RB1CC1: variants seen among roughly 807,000 people sequenced by gnomAD.
RB1CC1 encodes RB1-inducible coiled-coil protein 1.
RB1CC1 carries 46 observed loss-of-function variants against 177.5 expected under a neutral mutation model. That is an observed-to-expected ratio of 0.26 (90% CI 0.20 to 0.33). The LOEUF (loss-of-function observed/expected upper bound fraction) is 0.33, where lower values mean the gene tolerates loss of function less well. Ranked by LOEUF, RB1CC1 falls within the 10% of genes least tolerant of loss-of-function variation. The pLI, the probability that RB1CC1 is intolerant of heterozygous loss-of-function variation, is 1.00. For synonymous variants in RB1CC1, 666 were observed against 613.6 expected (o/e 1.09, Z -1.26); for missense variants, 1,703 against 1,816.3 (o/e 0.94, Z 1.13).
intron 16 of RB1CC1, among the ~76,000 whole-genome samples, 158 bp downstream of exon 16, chr8:52,645,544 A>G (rs1849940632): frequency 6.6e-6 from 1 of 152,210 alleles, no homozygotes; most frequent in Non-Finnish European, 1.5e-5. Context: ...ATTCTTAAAA[A>G]TACACGCTTT....
chr8:52,623,506 T>C lies in RB1CC1; in HGVS notation c.*276A>G, dbSNP rs1848183208. On this transcript the variant is annotated 3_prime_UTR_variant, in exon 24 of 24. Coordinates refer to ENST00000025008, the MANE Select transcript of RB1CC1 (RefSeq NM_014781.5). The stretch of plus-strand genomic sequence containing the variant: ...AGCCACAATGCACAAGGTATGCCCT[T>C]TGAGAAAATGAAGTAGTTTGGTCCG... 2.4e-6 allele frequency: 1 copy of C among 419,692 alleles called. No homozygotes were observed. The highest frequency in any genetic ancestry group is 2.0e-5 in the African/African-American group (1 of 48,892). The allele number at this position is 419,692 out of a possible 1,614,324, so 26.0% of individuals were successfully genotyped here.
rs546892807 is a variant in RB1CC1, at chr8:52,706,610, T to C, written c.-167+7465A>G. 3.4e-3 allele frequency among the ~76,000 whole-genome samples: 511 copies of C among 151,652 alleles called. 2 individuals are homozygous for C. The highest frequency in any genetic ancestry group is 6.8e-3 in the Middle Eastern group (2 of 294). ...AGCCGGGCGTGGTGGCAGGCACCTG[T>C]AGTCCCAGCTACTCGGGAGGCTGAG... On this transcript the variant is annotated intron_variant, in intron 1 of 23. Transcript: ENST00000025008.
In RB1CC1 at chr8:52,657,210, T is replaced by C. The variant is rs1341295432; in HGVS notation, c.2619A>G (p.Glu873=). 2 of 1,598,112 alleles carry C rather than the reference T, an allele frequency of 1.3e-6. No individual in the cohort carries two copies. The highest frequency in any genetic ancestry group is 4.5e-5 in the East Asian group (2 of 44,738). Residue 873 remains glutamate (E), a synonymous_variant, in exon 15 of 24, where the codon GAA becomes GAG. Coordinates refer to ENST00000025008, the MANE Select transcript of RB1CC1 (RefSeq NM_014781.5). ...HQKELLSLKN[E]YEGKLDGLIK... ...TTAGTCCGTCAAGTTTACCTTCATA[T>C]TCATTTTTTAAAGACAGTAGTTCTT...
chr8:52,677,284 T>G (rs962921561), intron 5 of RB1CC1, among the ~76,000 whole-genome samples: 3 of 152,128 alleles, frequency 2.0e-5, no homozygotes, highest in Non-Finnish European at 4.4e-5. Flanking sequence ...ACTGAAGGCA[T>G]TTAACTTAAG....
At chr8:52,681,275 C>T (rs948387807) in intron 5 of RB1CC1, among the ~76,000 whole-genome samples, 1 of 152,082 alleles carries the variant, frequency 6.6e-6, no homozygotes, top group Non-Finnish European at 1.5e-5. Flanking sequence ...GGATTACAGG[C>T]ATAAGCTACC....
At chr8:52,692,493 C>T (rs1854969305) in intron 1 of RB1CC1, among the ~76,000 whole-genome samples, 1 of 152,118 alleles carries the variant, frequency 6.6e-6, no homozygotes, top group South Asian at 2.1e-4. Context: ...GATATTCTTA[C>T]AAATCCTATA....
rs146405419 is a variant in RB1CC1, at chr8:52,662,191, G to C, written c.1174-472C>G. ...TATCGAAAAGTCACTGCCCTCTCCA[G>C]TTATCTCTGGACTATATTTTGTTCC... is the stretch of plus-strand genomic sequence containing the variant. On this transcript the variant is annotated intron_variant, in intron 8 of 23. Coordinates refer to ENST00000025008, the MANE Select transcript of RB1CC1 (RefSeq NM_014781.5). Among the ~76,000 whole-genome samples the C allele has an allele frequency of 8.2e-3, 1,242 of 152,136 alleles. 9 individuals are homozygous for C. Among genetic ancestry groups the C allele is most frequent in the South Asian group, 0.016 (75 of 4,826 alleles).
chr8:52,654,873 T>C (rs569082668), intron 15 of RB1CC1, among the ~76,000 whole-genome samples: 1 of 152,292 alleles, frequency 6.6e-6, no homozygotes, highest in East Asian at 1.9e-4. Flanking sequence ...TCTTAGTAAT[T>C]TTCCATCCAC....
chr8:52,668,369 T>C (rs1338589866), intron 7 of RB1CC1, among the ~76,000 whole-genome samples, 178 bp from the exon 8 acceptor site: 2 of 152,214 alleles, frequency 1.3e-5, no homozygotes, highest in Non-Finnish European at 2.9e-5. Context: ...TAAATATCCT[T>C]GACAACACTG....
chr8:52,664,772 C>A (rs111444530), intron 8 of RB1CC1, among the ~76,000 whole-genome samples: 26 of 152,252 alleles, frequency 1.7e-4, no homozygotes, highest in East Asian at 7.7e-4. Context: ...ATTATCACCC[C>A]AACCATACTC....
In RB1CC1 at chr8:52,657,486, A is replaced by G. The variant is rs942192122; in HGVS notation, c.2343T>C (p.Asn781=). 9 of 1,613,740 alleles carry G rather than the reference A, an allele frequency of 5.6e-6. No individual in the cohort carries two copies. Among genetic ancestry groups the G allele is most frequent in the East Asian group, 4.5e-5 (2 of 44,878 alleles). ...AIDSRRMQDT[N]VCGKEDFGDH... is the part of the protein sequence containing the mutation. Reference sequence around the variant, plus strand: ...CTCCAAAATCCTCCTTACCACATACATTTGTATCCTGCATTCGTCTACTGT... The same window carrying G: ...CTCCAAAATCCTCCTTACCACATACGTTTGTATCCTGCATTCGTCTACTGT... Residue 781 remains asparagine, a synonymous_variant, in exon 15 of 24, where the codon AAT becomes AAC. Transcript: ENST00000025008.
At chr8:52,662,789 T>C (rs1851741448) in intron 8 of RB1CC1, among the ~76,000 whole-genome samples, 1 of 151,656 alleles carries the variant, frequency 6.6e-6, no homozygotes, top group Non-Finnish European at 1.5e-5. Context: ...ACTGTATGCC[T>C]TTTTTTTCCC....
intron 7 of RB1CC1, among the ~76,000 whole-genome samples, chr8:52,671,838 T>C (rs1033798706): frequency 6.6e-6 from 1 of 152,078 alleles, no homozygotes; most frequent in Non-Finnish European, 1.5e-5. Context: ...CAGCATCCAA[T>C]AGCTACTCCT....
intron 1 of RB1CC1, among the ~76,000 whole-genome samples, chr8:52,695,083 G>A (rs1855267311): frequency 6.6e-6 from 1 of 152,120 alleles, no homozygotes; most frequent in African/African-American, 2.4e-5. Flanking sequence ...AATATTTGAG[G>A]CCTCTTCAGT....
At chr8:52,706,213 T>C (rs1856531753) in intron 1 of RB1CC1, among the ~76,000 whole-genome samples, 1 of 151,788 alleles carries the variant, frequency 6.6e-6, no homozygotes, top group Non-Finnish European at 1.5e-5. Flanking sequence ...CCAAAAGAGT[T>C]AGTCCCACCA....
chr8:52,631,693 G>A (rs1164049402), intron 20 of RB1CC1, among the ~76,000 whole-genome samples: 1 of 152,120 alleles, frequency 6.6e-6, no homozygotes, highest in Non-Finnish European at 1.5e-5. Context: ...TTAAGATCCT[G>A]CCTTAAGGTC....
intron 18 of RB1CC1, among the ~76,000 whole-genome samples, chr8:52,640,523 T>G (rs1383385854): frequency 1.3e-5 from 2 of 152,242 alleles, no homozygotes; most frequent in African/African-American, 4.8e-5. Flanking sequence ...CTAAAGCTTT[T>G]TAAAGCCTTT....
chr8:52,664,483 C>A (rs997191722), intron 8 of RB1CC1, among the ~76,000 whole-genome samples: 2 of 152,122 alleles, frequency 1.3e-5, no homozygotes, highest in Admixed American at 6.5e-5. Flanking sequence ...AACAATATTA[C>A]CTATAGTATT....
At chr8:52,630,555 C>CTG in intron 20 of RB1CC1, 27 bp from the exon 21 acceptor site, 2 of 1,536,696 alleles carry the variant, frequency 1.3e-6, no homozygotes, top group South Asian at 2.5e-5. Context: ...AGTTTATGAA[C>CTG]TTACACAATT....
Sources: gnomAD v4.1 joint callset for allele counts (sites outside exome capture counted in the v4.1 genomes callset) on GRCh38, gnomAD v4.1.1 for gene constraint, MANE v1.5 for transcripts, NCBI Gene and HGNC (gene_info 2026-07-23, HGNC 2026-07-21) for gene names.